Variants in PALM2AKAP2 observed in about 807,000 individuals in gnomAD.
The protein encoded by PALM2AKAP2 is PALM2 and AKAP2 fusion, also known as PALM2-AKAP2 fusion protein.
A neutral mutation model predicts 71.5 loss-of-function variants in PALM2AKAP2; 37 were observed. The ratio of observed to expected loss-of-function variants is 0.52; its 90% CI spans 0.40 to 0.68. The LOEUF (loss-of-function observed/expected upper bound fraction) is 0.68, where lower values mean the gene tolerates loss of function less well. Among genes scored for constraint, PALM2AKAP2 ranks in the 30% least tolerant of loss-of-function variants. The pLI, the probability that PALM2AKAP2 is intolerant of heterozygous loss-of-function variation, is 0.00. For missense variants in PALM2AKAP2, 1,224 were observed against 1,191.8 expected, an observed-to-expected ratio of 1.03 and a Z score of -0.40; for synonymous variants, 468 against 478.8, an observed-to-expected ratio of 0.98 and a Z score of 0.29.
intron 6 of PALM2AKAP2, among the ~76,000 whole-genome samples, chr9:110,005,827 G>C (rs535703166): frequency 9.2e-5 from 14 of 152,350 alleles, no homozygotes; most frequent in Admixed American, 9.1e-4. Context: ...CTCTGAGCCA[G>C]GCGTGGGATA....
At chr9:109,666,871 T>G (rs1055959193) in intron 1 of PALM2AKAP2, among the ~76,000 whole-genome samples, 1 of 152,226 alleles carries the variant, frequency 6.6e-6, no homozygotes. Flanking sequence ...AGCAGTTAGA[T>G]GTGTTCTGTG....
intron 1 of PALM2AKAP2, among the ~76,000 whole-genome samples, chr9:109,643,029 AAAGG>A (rs374873661): frequency 2.1e-3 from 314 of 151,512 alleles, no homozygotes; most frequent in African/African-American, 5.9e-3. Context: ...AAAAAGAAAG[AAAGG>A]AAGGAAGGAA....
exon 7 of PALM2AKAP2, chr9:110,015,958 C>T (rs201756748): frequency 5.5e-5 from 88 of 1,613,414 alleles, no homozygotes; most frequent in Middle Eastern, 1.6e-4. Context: ...TTTCAGGAGT[C>T]GGGTGGGAGA....
intron 1 of PALM2AKAP2, among the ~76,000 whole-genome samples, chr9:109,827,659 T>A (rs1333624086): frequency 6.6e-6 from 1 of 152,122 alleles, no homozygotes; most frequent in African/African-American, 2.4e-5. Flanking sequence ...ATCTACTGAA[T>A]GAGAATCCAT....
chr9:109,662,787 C>A (rs2118461307), intron 1 of PALM2AKAP2, among the ~76,000 whole-genome samples: 1 of 152,270 alleles, frequency 6.6e-6, no homozygotes, highest in Non-Finnish European at 1.5e-5. Context: ...AGCTGTGAAT[C>A]TGTCTGGTCC....
intron 1 of PALM2AKAP2, among the ~76,000 whole-genome samples, chr9:110,049,766 G>A (rs1833673999): frequency 6.6e-6 from 1 of 152,174 alleles, no homozygotes; most frequent in Admixed American, 6.5e-5. Context: ...GATAGGAGGG[G>A]AGTAAAACGG....
chr9:110,063,843 T>C (rs952553672), intron 1 of PALM2AKAP2, among the ~76,000 whole-genome samples: 3 of 152,218 alleles, frequency 2.0e-5, no homozygotes, highest in African/African-American at 4.8e-5. Flanking sequence ...TGTATCCAAA[T>C]ACCATCACAC....
At chr9:109,774,175 G>A (rs7022225) in intron 1 of PALM2AKAP2, among the ~76,000 whole-genome samples, 2 of 151,988 alleles carry the variant, frequency 1.3e-5, no homozygotes, top group Non-Finnish European at 2.9e-5. Flanking sequence ...CCAAGCTGAC[G>A]GAGCACATCG....
At chr9:109,701,455 T>G (rs185128992) in intron 1 of PALM2AKAP2, among the ~76,000 whole-genome samples, 2 of 152,126 alleles carry the variant, frequency 1.3e-5, no homozygotes, top group African/African-American at 4.8e-5. Context: ...CTGCAACCAT[T>G]TGATCTTTGA....
At chr9:109,669,840 G>T (rs977680450) in intron 1 of PALM2AKAP2, among the ~76,000 whole-genome samples, 1 of 151,726 alleles carries the variant, frequency 6.6e-6, no homozygotes, top group South Asian at 2.1e-4. Flanking sequence ...TTAATTTTAA[G>T]AGATTTATTA....
chr9:110,167,178 G>A (rs1836757051), intron 3 of PALM2AKAP2, among the ~76,000 whole-genome samples: 1 of 152,170 alleles, frequency 6.6e-6, no homozygotes, highest in Non-Finnish European at 1.5e-5. Flanking sequence ...TGCTACACAA[G>A]GGGATTATGG....
At chr9:109,648,923 T>C (rs1383987930) in intron 1 of PALM2AKAP2, among the ~76,000 whole-genome samples, 1 of 152,198 alleles carries the variant, frequency 6.6e-6, no homozygotes, top group East Asian at 1.9e-4. Context: ...AGAATCATGT[T>C]TTTAGCCCCT....
At chr9:109,853,307 C>T (rs1829070304) in intron 1 of PALM2AKAP2, among the ~76,000 whole-genome samples, 1 of 152,148 alleles carries the variant, frequency 6.6e-6, no homozygotes, top group South Asian at 2.1e-4. Flanking sequence ...ATTATCAGCA[C>T]CTCTCATCTC....
At chr9:109,842,288 T>C (rs1466740891) in intron 1 of PALM2AKAP2, among the ~76,000 whole-genome samples, 1 of 152,188 alleles carries the variant, frequency 6.6e-6, no homozygotes, top group Non-Finnish European at 1.5e-5. Flanking sequence ...AATTAGGCTT[T>C]ACAAATATTT....
chr9:109,723,776 A>T (rs1316842097), intron 1 of PALM2AKAP2, among the ~76,000 whole-genome samples: 1 of 152,238 alleles, frequency 6.6e-6, no homozygotes, highest in African/African-American at 2.4e-5. Context: ...ATGAGCTAAA[A>T]CAAATTCCTC....
At chr9:109,817,273 C>T (rs1827877442) in intron 1 of PALM2AKAP2, among the ~76,000 whole-genome samples, 1 of 152,152 alleles carries the variant, frequency 6.6e-6, no homozygotes, top group Non-Finnish European at 1.5e-5. Context: ...TGATCAGAGG[C>T]CAATTTTGAG....
In PALM2AKAP2 at chr9:110,091,688, T is replaced by G. The variant is rs1266440981; in HGVS notation, c.156+42833T>G. On this transcript the variant is annotated intron_variant, in intron 1 of 3. Transcript: ENST00000374525. ...CGTGTTAGCCAGGATGGTCTTGATC[T>G]CCTGACCTCATGATCTGCCCGCCTT... is the stretch of plus-strand genomic sequence containing the variant. Among the ~76,000 whole-genome samples, 8 of 152,108 alleles carry G rather than the reference T, an allele frequency of 5.3e-5. No individual in the cohort carries two copies. In the East Asian group the frequency reaches 5.8e-4, roughly 11 times the overall value.
chr9:110,156,410 C>A, exon 3 of PALM2AKAP2: 3 of 1,613,338 alleles, frequency 1.9e-6, no homozygotes, highest in Non-Finnish European at 2.5e-6. Flanking sequence ...CTGCCGGAAC[C>A]CAGCGGCCCA....
At position 109,902,012 on chromosome 9, in the gene PALM2AKAP2, A is replaced by G. The variant is rs1328565181; in HGVS notation, c.257+21331A>G. 2.0e-5 allele frequency among the ~76,000 whole-genome samples: 3 copies of G among 152,120 alleles called. No individual in the cohort carries two copies. The East Asian group carries it at 5.8e-4, about 29-fold the overall frequency. On this transcript the variant is annotated intron_variant, in intron 3 of 9. Coordinates refer to the PALM2AKAP2 transcript ENST00000302798. The stretch of plus-strand genomic sequence containing the variant: ...AATATCAGCAATATCTTGGATCTGA[A>G]TAGAGTTCTATCACAGATTAGGGTT...
Sources: allele counts gnomAD v4.1 joint callset (sites outside exome capture counted in the v4.1 genomes callset), GRCh38; gene constraint gnomAD v4.1.1; transcripts MANE v1.5; gene names NCBI Gene and HGNC (gene_info 2026-07-23, HGNC 2026-07-21).